TNR: variants seen among roughly 807,000 people sequenced by gnomAD.
TNR encodes the protein tenascin-R.
Under a neutral mutation model 150.4 loss-of-function variants are expected in TNR, and 45 were observed. The ratio of observed to expected loss-of-function variants is 0.30; its 90% CI spans 0.24 to 0.38. The LOEUF (loss-of-function observed/expected upper bound fraction) is 0.38. TNR is among the 10% of genes least tolerant of loss of function. The pLI, the probability that TNR is intolerant of heterozygous loss-of-function variation, is 1.00. For synonymous variants in TNR, 687 were observed against 678.4 expected (o/e 1.01, Z -0.20); for missense variants, 1,544 against 1,759.1 (o/e 0.88, Z 2.19).
At chr1:175,436,919 C>A (rs1044893159) in intron 2 of TNR, among the ~76,000 whole-genome samples, 1 of 152,144 alleles carries the variant, frequency 6.6e-6, no homozygotes, top group African/African-American at 2.4e-5. Context: ...TAGACTCCCA[C>A]ACAATAATAA....
At chr1:175,503,563 C>A (rs144666572) in intron 2 of TNR, among the ~76,000 whole-genome samples, 5 of 152,242 alleles carry the variant, frequency 3.3e-5, no homozygotes, top group Admixed American at 2.6e-4. Context: ...AAATGAGAAG[C>A]TGCACGATTA....
chr1:175,510,924 A>G (rs1249457108), intron 2 of TNR, among the ~76,000 whole-genome samples: 2 of 152,220 alleles, frequency 1.3e-5, no homozygotes, highest in Non-Finnish European at 1.5e-5. Context: ...TAGAAGTCAC[A>G]TTAAGACTAG....
intron 2 of TNR, among the ~76,000 whole-genome samples, chr1:175,475,922 C>T (rs983806785): frequency 2.0e-5 from 3 of 152,164 alleles, no homozygotes; most frequent in Admixed American, 1.3e-4. Context: ...AACCTTCAAT[C>T]GTCCTATAAT....
chr1:175,711,667 A>T (rs1667020615), intron 1 of TNR, among the ~76,000 whole-genome samples: 2 of 152,212 alleles, frequency 1.3e-5, no homozygotes, highest in Admixed American at 1.3e-4. Context: ...GGCCCAGGAC[A>T]ACAGAAGCAC....
At chr1:175,522,813 A>C (rs1025892547) in intron 2 of TNR, among the ~76,000 whole-genome samples, 3 of 152,224 alleles carry the variant, frequency 2.0e-5, no homozygotes, top group Non-Finnish European at 4.4e-5. Flanking sequence ...ACTCATTATG[A>C]CATATTTGTT....
intron 1 of TNR, among the ~76,000 whole-genome samples, chr1:175,603,047 T>C (rs1663300177): frequency 6.6e-6 from 1 of 152,222 alleles, no homozygotes. Context: ...TTACGTGTGC[T>C]AGTTCTGAGG....
intron 1 of TNR, among the ~76,000 whole-genome samples, chr1:175,576,996 G>A (rs1032823696): frequency 2.0e-5 from 3 of 152,144 alleles, no homozygotes; most frequent in Non-Finnish European, 2.9e-5. Context: ...CCAAAGAAGG[G>A]CCATCCATTC....
chr1:175,612,620 C>T (rs1254820654), intron 1 of TNR, among the ~76,000 whole-genome samples: 1 of 152,190 alleles, frequency 6.6e-6, no homozygotes, highest in Non-Finnish European at 1.5e-5. Flanking sequence ...CTTTTCTTCA[C>T]ATATAAAATA....
intron 2 of TNR, among the ~76,000 whole-genome samples, chr1:175,522,883 T>C (rs1261007504): frequency 6.6e-6 from 1 of 152,242 alleles, no homozygotes; most frequent in Non-Finnish European, 1.5e-5. Context: ...CTTTATGGCA[T>C]ACCAATGGAT....
intron 1 of TNR, among the ~76,000 whole-genome samples, chr1:175,619,735 A>G (rs2101863399): frequency 6.6e-6 from 1 of 152,338 alleles, no homozygotes; most frequent in African/African-American, 2.4e-5. Flanking sequence ...AGAGCCAGGA[A>G]AAGTACCCAG....
intron 2 of TNR, among the ~76,000 whole-genome samples, chr1:175,472,769 C>T (rs1657358422): frequency 6.6e-6 from 1 of 152,134 alleles, no homozygotes; most frequent in Admixed American, 6.5e-5. Flanking sequence ...GGTATGTAGT[C>T]ATCTGGGTTC....
chr1:175,491,642 CTTTTTTTT>C (rs60469855), intron 2 of TNR, among the ~76,000 whole-genome samples: 2 of 85,184 alleles, frequency 2.3e-5, no homozygotes, highest in East Asian at 6.6e-4. Flanking sequence ...CAGGCCCAGA[CTTTTTTTT>C]TTTTTTTTTT....
At chr1:175,488,251 T>C (rs1036315092) in intron 2 of TNR, among the ~76,000 whole-genome samples, 9 of 152,180 alleles carry the variant, frequency 5.9e-5, no homozygotes, top group African/African-American at 1.9e-4. Context: ...GGATTAGGCA[T>C]TGAAAATGAG....
intron 18 of TNR, among the ~76,000 whole-genome samples, chr1:175,351,350 T>C (rs752475529): frequency 6.6e-6 from 1 of 152,194 alleles, no homozygotes; most frequent in Non-Finnish European, 1.5e-5. Flanking sequence ...AATATTACCA[T>C]GCAAATGACT....
chr1:175,455,889 T>C (rs1002313251), intron 2 of TNR, among the ~76,000 whole-genome samples: 1 of 152,202 alleles, frequency 6.6e-6, no homozygotes, highest in Non-Finnish European at 1.5e-5. Context: ...GACCTGCATA[T>C]GGAGGGACCA....
chr1:175,447,301 G>C (rs775118533), intron 2 of TNR, among the ~76,000 whole-genome samples: 1 of 152,058 alleles, frequency 6.6e-6, no homozygotes, highest in Non-Finnish European at 1.5e-5. Context: ...CTTCTTTCTC[G>C]GCCTTCCTCC....
chr1:175,481,179 C>T (rs987802867), intron 2 of TNR, among the ~76,000 whole-genome samples: 1 of 152,016 alleles, frequency 6.6e-6, no homozygotes, highest in Non-Finnish European at 1.5e-5. Context: ...TGTGAATAGC[C>T]TTATCTTATA....
At chr1:175,448,413 T>C (rs948644783) in intron 2 of TNR, among the ~76,000 whole-genome samples, 2 of 152,112 alleles carry the variant, frequency 1.3e-5, no homozygotes, top group Non-Finnish European at 2.9e-5. Context: ...GGTTTCACTA[T>C]GTTAGCCAGG....
At chr1:175,727,289 T>C (rs1031209997) in intron 1 of TNR, among the ~76,000 whole-genome samples, 5 of 152,206 alleles carry the variant, frequency 3.3e-5, no homozygotes, top group African/African-American at 1.2e-4. Flanking sequence ...GTTTTCCCAA[T>C]AGTAAGTACG....
Sources: gnomAD v4.1 joint callset for allele counts (sites outside exome capture counted in the v4.1 genomes callset) on GRCh38, gnomAD v4.1.1 for gene constraint, MANE v1.5 for transcripts, NCBI Gene and HGNC (gene_info 2026-07-23, HGNC 2026-07-21) for gene names.